The following DIPK1C variants were observed in gnomAD, a reference collection of about 807,000 sequenced individuals.
The protein encoded by DIPK1C is familial non-conventional Alzheimer's dementia.
Under a neutral mutation model 28.0 loss-of-function variants are expected in DIPK1C, and 33 were observed. That is an observed-to-expected ratio of 1.18 (90% CI 0.89 to 1.58). The LOEUF (loss-of-function observed/expected upper bound fraction) is 1.58. DIPK1C is among the 40% of genes most tolerant of loss of function. The pLI is 0.00. For synonymous variants in DIPK1C, 255 were observed against 248.8 expected (o/e 1.02, Z -0.23); for missense variants, 569 against 568.5 (o/e 1.00, Z -0.01).
At chr18:74,438,257 C>T (rs939540517) in intron 3 of DIPK1C, among the ~76,000 whole-genome samples, 3 of 152,144 alleles carry the variant, frequency 2.0e-5, no homozygotes, top group Non-Finnish European at 2.9e-5. Flanking sequence ...AAAATGTGTG[C>T]GTGTGTCGTA....
intron 2 of DIPK1C, among the ~76,000 whole-genome samples, chr18:74,442,551 G>A (rs111644574): frequency 0.024 from 3,662 of 152,180 alleles, 148 homozygotes; most frequent in African/African-American, 0.083. Flanking sequence ...GGATGGTCTC[G>A]ATCTCCTGAC....
At chr18:74,456,933 G>A in intron 1 of DIPK1C, 129 bp downstream of exon 1, 1 of 1,002,622 alleles carries the variant, frequency 1.0e-6, no homozygotes, top group Non-Finnish European at 1.3e-6. Flanking sequence ...CTCCACGCAG[G>A]TGTCGGGAAC....
chr18:74,447,055 G>C lies in DIPK1C; in HGVS notation c.427C>G (p.Pro143Ala). 6.5e-7 allele frequency: 1 copy of C among 1,550,002 alleles called. No individual in the cohort carries two copies. Among genetic ancestry groups the C allele is most frequent in the South Asian group, 1.2e-5 (1 of 83,984 alleles). Residue 143 changes from proline (P) to alanine (A), a missense_variant, in exon 2 of 4, where the codon CCC (proline) becomes GCC (alanine). By Grantham distance (27) the Pro-to-Ala change is conservative. Transcript: ENST00000343998. The surrounding 1 kb of genome is among the most constrained non-coding windows in gnomAD (Gnocchi z 4.1). ...ACCATCAGGAGGAGTTCGGCCTCGG[G>C]CATGTCCTGGCCACCCTCCCCTGCC... The part of the protein sequence containing the change: ...EEAGEGGQDM[P>A]EAELLLMVAG...
rs1599044114 is a variant in DIPK1C at position 74,457,266 on chromosome 18, C to T, written c.-7G>A. 2.0e-6 allele frequency: 2 copies of T among 990,266 alleles called. No homozygotes were observed. The highest frequency in any genetic ancestry group is 2.2e-4 in the East Asian group (2 of 9,020). 61.3% of individuals were successfully genotyped at this position (990,266 alleles called of 1,614,324 possible). Reference sequence around the variant, plus strand: ...CGCCCGCCGCCCGCGCCATGGCCAGCCCTGCCCGCGCCCGGGCCCCACCGC... The same window carrying T: ...CGCCCGCCGCCCGCGCCATGGCCAGTCCTGCCCGCGCCCGGGCCCCACCGC... On this transcript the variant is annotated 5_prime_UTR_variant, in exon 1 of 4. Transcript: ENST00000343998.
In DIPK1C at chr18:74,447,495, G is replaced by C. The variant is rs914185950; in HGVS notation, c.199-212C>G. Among the ~76,000 whole-genome samples, 3 of 152,200 alleles carry C rather than the reference G, an allele frequency of 2.0e-5. No homozygotes were observed. Among genetic ancestry groups the C allele is most frequent in the Non-Finnish European group, 2.9e-5 (2 of 68,038 alleles). ...AAGGAGCCGCTCACAGTCATTACAC[G>C]ACTCAGTCAGGCCTAGGACGGGTCT... is the stretch of plus-strand genomic sequence containing the variant. On this transcript the variant is annotated intron_variant, in intron 1 of 3. Transcript: ENST00000343998. The surrounding 1 kb of genome is among the most constrained non-coding windows in gnomAD (Gnocchi z 4.1).
chr18:74,452,963 G>A lies in DIPK1C; in HGVS notation c.198+4099C>T, dbSNP rs138994001. ...TATAAAATCCACAGGTATTGGAGTT[G>A]AAAATAAACTGAAAAAAACAAGTTA... On this transcript the variant is annotated intron_variant, in intron 1 of 3. Coordinates refer to ENST00000343998, the MANE Select transcript of DIPK1C (RefSeq NM_001044369.3). Among the ~76,000 whole-genome samples the A allele has an allele frequency of 1.6e-4, 25 of 152,228 alleles. No homozygotes were observed. In the East Asian group the frequency reaches 4.8e-3, roughly 29 times the overall value.
chr18:74,455,616 C>G (rs1454867814), intron 1 of DIPK1C, among the ~76,000 whole-genome samples: 2 of 151,760 alleles, frequency 1.3e-5, no homozygotes, highest in African/African-American at 4.8e-5. Flanking sequence ...CATGGACAAA[C>G]CACCATCTCT....
chr18:74,458,940 CAA>C (rs61690822), upstream of DIPK1C, among the ~76,000 whole-genome samples: 15 of 123,226 alleles, frequency 1.2e-4, no homozygotes, highest in Non-Finnish European at 1.3e-4. Flanking sequence ...CCAACCTGGG[CAA>C]AAAAAAAAAA....
intron 1 of DIPK1C, among the ~76,000 whole-genome samples, chr18:74,448,529 G>A (rs1054116919): frequency 7.9e-5 from 12 of 152,250 alleles, no homozygotes; most frequent in African/African-American, 1.7e-4. Flanking sequence ...GTCTAACCAC[G>A]CTGCCACATC....
the DIPK1C span, among the ~76,000 whole-genome samples, chr18:74,463,730 G>C: frequency 6.6e-6 from 1 of 152,182 alleles, no homozygotes; most frequent in African/African-American, 2.4e-5. Flanking sequence ...TTAGGAAAAA[G>C]TGACATCCTA....
In DIPK1C at chr18:74,442,104, C is replaced by G; in HGVS notation, c.889G>C (p.Asp297His). ...IRSDFTVVAI[D>H]VDMAFFEPKM... is the part of the protein sequence containing the mutation. ...GGTTCAAAAAAGGCCATGTCCACAT[C>G]AATAGCCACCACCTGTAATCAAAAC... Residue 297 changes from aspartate (D) to histidine (H), a missense_variant, in exon 3 of 4, where the codon GAT (aspartate) becomes CAT (histidine). Physicochemically the swap from Asp to His is moderately conservative, Grantham distance 81. Coordinates refer to ENST00000343998, the MANE Select transcript of DIPK1C (RefSeq NM_001044369.3). The G allele has an allele frequency of 6.2e-7, 1 of 1,614,112 alleles. No homozygotes were observed. Among genetic ancestry groups the G allele is most frequent in the Non-Finnish European group, 8.5e-7 (1 of 1,180,002 alleles).
chr18:74,445,991 C>T (rs546842612), intron 2 of DIPK1C, among the ~76,000 whole-genome samples: 4 of 152,348 alleles, frequency 2.6e-5, no homozygotes, highest in African/African-American at 4.8e-5. Flanking sequence ...CCTGTTCTCA[C>T]GCAGCTGCCT....
At position 74,456,304 on chromosome 18, in the gene DIPK1C, A is replaced by C. The variant is rs970714567; in HGVS notation, c.198+758T>G. Among the ~76,000 whole-genome samples, 7 of 152,390 alleles carry C rather than the reference A, an allele frequency of 4.6e-5. 1 individual carries two copies. Among genetic ancestry groups the C allele is most frequent in the Admixed American group, 1.3e-4 (2 of 15,312 alleles). On this transcript the variant is annotated intron_variant, in intron 1 of 3. Transcript: ENST00000343998. Reference sequence around the variant, plus strand: ...ATGATGTGAGCCCAGCGTACGCAGCAGTCTGCAAAATGCGAAATGTTTCTT... The same window carrying C: ...ATGATGTGAGCCCAGCGTACGCAGCCGTCTGCAAAATGCGAAATGTTTCTT...
At chr18:74,458,430 A>C (rs1431387094), upstream of DIPK1C, among the ~76,000 whole-genome samples, 1 of 152,096 alleles carries the variant, frequency 6.6e-6, no homozygotes, top group Non-Finnish European at 1.5e-5. Flanking sequence ...ATTGTCCCAC[A>C]GGAGCTGGCT....
chr18:74,450,900 T>C (rs1986383196), intron 1 of DIPK1C, among the ~76,000 whole-genome samples: 1 of 152,234 alleles, frequency 6.6e-6, no homozygotes. Flanking sequence ...GCTCTGCCCC[T>C]GGCTTGCTGT....
intron 1 of DIPK1C, among the ~76,000 whole-genome samples, chr18:74,453,869 A>G (rs1237910312): frequency 1.3e-5 from 2 of 152,080 alleles, no homozygotes; most frequent in African/African-American, 4.8e-5. Flanking sequence ...GGATACTAAA[A>G]GCAAATACTT....
chr18:74,438,533 C>T (rs763996826), intron 3 of DIPK1C, among the ~76,000 whole-genome samples: 6 of 152,228 alleles, frequency 3.9e-5, no homozygotes, highest in South Asian at 2.1e-4. Context: ...GCCTCTCCAA[C>T]GCAAACGCCA....
At position 74,453,640 on chromosome 18, in the gene DIPK1C, G is replaced by A. The variant is rs117594256; in HGVS notation, c.198+3422C>T. On this transcript the variant is annotated intron_variant, in intron 1 of 3. Coordinates refer to ENST00000343998, the MANE Select transcript of DIPK1C (RefSeq NM_001044369.3). ...GCCTTCAGGACAACAGAGTCTGTGG[G>A]AATATCTTTGACATGCTTTGAAAAT... is the stretch of plus-strand genomic sequence containing the variant. 1.4e-3 allele frequency among the ~76,000 whole-genome samples: 215 copies of A among 152,304 alleles called. 1 individual carries two copies. The highest frequency in any genetic ancestry group is 6.8e-3 in the Middle Eastern group (2 of 294).
chr18:74,463,353 T>C, the DIPK1C span, among the ~76,000 whole-genome samples: 1 of 152,196 alleles, frequency 6.6e-6, no homozygotes, highest in Non-Finnish European at 1.5e-5. Flanking sequence ...ATGAAGCACT[T>C]TGTTCCTTAT....
Sources: gnomAD v4.1 joint callset for allele counts (sites outside exome capture counted in the v4.1 genomes callset) on GRCh38, gnomAD v4.1.1 for gene constraint, Gnocchi (gnomAD v3.1) non-coding constraint, MANE v1.5 for transcripts, NCBI Gene and HGNC (gene_info 2026-07-23, HGNC 2026-07-21) for gene names.